The following TTC17 variants were observed in gnomAD, a reference collection of about 807,000 sequenced individuals.
TTC17 encodes tetratricopeptide repeat protein 17.
TTC17 carries 58 observed loss-of-function variants against 143.8 expected under a neutral mutation model. That is an observed-to-expected ratio of 0.40 (90% CI 0.33 to 0.50). TTC17 has a LOEUF of 0.50. TTC17 is among the 20% of genes least tolerant of loss of function. The pLI, the probability that TTC17 is intolerant of heterozygous loss-of-function variation, is 0.49. For synonymous variants in TTC17, 501 were observed against 497.8 expected (o/e 1.01, Z -0.09); for missense variants, 1,273 against 1,392.5 (o/e 0.91, Z 1.37).
At chr11:43,415,879 T>TG (rs533193948) in intron 16 of TTC17, among the ~76,000 whole-genome samples, 54 of 152,176 alleles carry the variant, frequency 3.5e-4, no homozygotes, top group Non-Finnish European at 7.1e-4. Flanking sequence ...AGTTCTTTTA[T>TG]GAATGTCAAA....
intron 1 of TTC17, among the ~76,000 whole-genome samples, chr11:43,369,294 C>T (rs76529572): frequency 0.015 from 2,219 of 152,280 alleles, 36 homozygotes; most frequent in African/African-American, 0.048. Context: ...TGTTTACAGA[C>T]ATGAATATTC....
Position 43,444,190 on chromosome 11 carries a change from G to T in TTC17, c.2646G>T (p.Val882=). Residue 882 remains valine, a synonymous_variant, in exon 18 of 24, where the codon GTG becomes GTT. Transcript: ENST00000039989. ...ACCTAGAGATCACTGGCCCCAAGGTGGCATCTCCTGGGCCACAAGGTAAAT... is the reference window on the plus strand; with the variant it reads ...ACCTAGAGATCACTGGCCCCAAGGTTGCATCTCCTGGGCCACAAGGTAAAT... The part of the protein sequence containing the change: ...QANLEITGPK[V]ASPGPQGKKR... 1 of 1,608,980 alleles carries T rather than the reference G, an allele frequency of 6.2e-7. No individual in the cohort carries two copies. The highest frequency in any genetic ancestry group is 1.1e-5 in the South Asian group (1 of 89,716).
chr11:43,404,521 T>A (rs1858021957), intron 11 of TTC17, among the ~76,000 whole-genome samples: 1 of 152,224 alleles, frequency 6.6e-6, no homozygotes. Flanking sequence ...GCTGGCAGTA[T>A]AATAGATAAG....
intron 10 of TTC17, among the ~76,000 whole-genome samples, chr11:43,403,428 T>C (rs979292130): frequency 6.6e-6 from 1 of 152,190 alleles, no homozygotes; most frequent in Non-Finnish European, 1.5e-5. Flanking sequence ...ACAAGCATCT[T>C]TGTAAGTATA....
chr11:43,398,423 C>G (rs1211849799), intron 8 of TTC17, among the ~76,000 whole-genome samples: 8 of 152,164 alleles, frequency 5.3e-5, no homozygotes, highest in Admixed American at 5.2e-4. Context: ...GACTGGGATA[C>G]TTAGTTGACT....
At chr11:43,362,966 G>A (rs936426467) in intron 1 of TTC17, among the ~76,000 whole-genome samples, 10 of 152,090 alleles carry the variant, frequency 6.6e-5, no homozygotes, top group Non-Finnish European at 1.5e-4. Flanking sequence ...TCTCCTCTCC[G>A]CTCTGTGCTG....
intron 21 of TTC17, among the ~76,000 whole-genome samples, chr11:43,467,509 A>G (rs1590472169): frequency 6.6e-6 from 1 of 152,230 alleles, no homozygotes; most frequent in African/African-American, 2.4e-5. Flanking sequence ...GTTGCCAGCA[A>G]CTGGGAGGAA....
rs565505899 is a variant in TTC17 at position 43,434,748 on chromosome 11, G to A, written c.2252-8577G>A. ...TTACTGTCTCCCCAAGTTGTTTGTC[G>A]ATTTCTTGAGAGCTAAAACTCTTAA... On this transcript the variant is annotated intron_variant, in intron 16 of 23. Transcript: ENST00000039989. Among the ~76,000 whole-genome samples the A allele has an allele frequency of 4.6e-5, 7 of 152,202 alleles. No homozygotes were observed. The South Asian group carries it at 1.0e-3, about 23-fold the overall frequency.
chr11:43,368,644 C>G (rs1169021166), intron 1 of TTC17, among the ~76,000 whole-genome samples: 1 of 152,164 alleles, frequency 6.6e-6, no homozygotes, highest in East Asian at 1.9e-4. Context: ...ACTTTTGTCC[C>G]CTAGATCTGT....
At chr11:43,420,460 A>G (rs759225340) in intron 16 of TTC17, among the ~76,000 whole-genome samples, 5 of 152,190 alleles carry the variant, frequency 3.3e-5, no homozygotes, top group Non-Finnish European at 7.4e-5. Flanking sequence ...CCCCAAGAGC[A>G]TACCTAAAAT....
intron 1 of TTC17, among the ~76,000 whole-genome samples, chr11:43,369,066 G>A (rs140294145): frequency 3.9e-5 from 6 of 152,282 alleles, no homozygotes; most frequent in South Asian, 2.1e-4. Context: ...CTAAAACAGC[G>A]TCTATTTGAG....
chr11:43,402,418 C>T (rs1159138667), intron 10 of TTC17, among the ~76,000 whole-genome samples: 3 of 152,006 alleles, frequency 2.0e-5, no homozygotes, highest in African/African-American at 4.8e-5. Context: ...CACTTTCTGT[C>T]GCTGTATATA....
intron 13 of TTC17, among the ~76,000 whole-genome samples, chr11:43,406,788 A>G (rs1463772948): frequency 6.6e-6 from 1 of 152,242 alleles, no homozygotes; most frequent in Non-Finnish European, 1.5e-5. Context: ...TTTTCCAGGA[A>G]GGAAAGACAG....
chr11:43,400,888 C>G (rs1857824109), intron 9 of TTC17, among the ~76,000 whole-genome samples: 1 of 152,196 alleles, frequency 6.6e-6, no homozygotes, highest in Non-Finnish European at 1.5e-5. Context: ...AATAGAATCT[C>G]TTAATTATAC....
intron 21 of TTC17, among the ~76,000 whole-genome samples, chr11:43,470,659 G>A (rs550592291): frequency 3.4e-4 from 52 of 152,276 alleles, no homozygotes; most frequent in Admixed American, 1.2e-3. Flanking sequence ...TTAGGCTCAC[G>A]GACGGACTTC....
At chr11:43,378,164 A>G (rs1280597733) in intron 1 of TTC17, among the ~76,000 whole-genome samples, 1 of 152,102 alleles carries the variant, frequency 6.6e-6, no homozygotes, top group African/African-American at 2.4e-5. Flanking sequence ...CGGCCTCCCA[A>G]AGTGCTGGGC....
intron 18 of TTC17, chr11:43,444,497 G>T (rs1360195372): frequency 9.3e-6 from 2 of 214,812 alleles, no homozygotes; most frequent in African/African-American, 2.3e-5. Context: ...ACTTTCTAAG[G>T]CAGAGAGAGG....
At chr11:43,382,518 A>G (rs930042442) in intron 2 of TTC17, among the ~76,000 whole-genome samples, 44 of 152,346 alleles carry the variant, frequency 2.9e-4, no homozygotes, top group African/African-American at 1.0e-3. Flanking sequence ...TTAAAATCCT[A>G]TGGGAAAATT....
At chr11:43,486,019 C>T (rs1008266991) in intron 21 of TTC17, among the ~76,000 whole-genome samples, 3 of 150,070 alleles carry the variant, frequency 2.0e-5, no homozygotes, top group African/African-American at 7.4e-5. Flanking sequence ...TGGATAAATA[C>T]CATGTAGTAT....
Sources: allele counts gnomAD v4.1 joint callset (sites outside exome capture counted in the v4.1 genomes callset), GRCh38; gene constraint gnomAD v4.1.1; transcripts MANE v1.5; gene names NCBI Gene and HGNC (gene_info 2026-07-23, HGNC 2026-07-21).